The following NIPBL variants were observed in gnomAD, a reference collection of about 807,000 sequenced individuals.
NIPBL encodes NIPBL cohesin loading factor, also known as nipped-B-like protein.
Under a neutral mutation model 321.8 loss-of-function variants are expected in NIPBL, and 19 were observed. That is an observed-to-expected ratio of 0.06 (90% CI 0.04 to 0.09). NIPBL has a LOEUF of 0.09. Among genes scored for constraint, NIPBL ranks in the 10% least tolerant of loss-of-function variants. The pLI is 1.00. For synonymous variants in NIPBL, 1,106 were observed against 1,114.1 expected (o/e 0.99, Z 0.14); for missense variants, 2,210 against 3,327.0 (o/e 0.66, Z 8.26).
At chr5:36,941,772 T>G (rs1399412357) in intron 1 of NIPBL, among the ~76,000 whole-genome samples, 5 of 152,236 alleles carry the variant, frequency 3.3e-5, no homozygotes, top group Admixed American at 6.5e-5. Context: ...CACTTAAAAT[T>G]TAAAAAATTA....
chr5:37,063,453 G>A (rs1755018382), intron 45 of NIPBL, among the ~76,000 whole-genome samples: 1 of 152,144 alleles, frequency 6.6e-6, no homozygotes, highest in South Asian at 2.1e-4. Flanking sequence ...TTGGACCAAG[G>A]GTCTGAAAAC....
intron 1 of NIPBL, among the ~76,000 whole-genome samples, 172 bp downstream of exon 1, chr5:36,877,350 GT>G (rs1030946737): frequency 5.8e-4 from 88 of 152,266 alleles, no homozygotes; most frequent in Admixed American, 3.7e-3. Flanking sequence ...GGTAGCGGTG[GT>G]TTTGTACCCT....
rs772330143 is a variant in NIPBL, at chr5:36,985,312, C to G, written c.2132C>G (p.Pro711Arg). Residue 711 changes from proline to arginine, a missense_variant, in exon 10 of 47, where the codon CCT (proline) becomes CGT (arginine). By Grantham distance (103) the Pro-to-Arg change is moderately radical (BLOSUM62 -2). Coordinates refer to ENST00000282516, the MANE Select transcript of NIPBL (RefSeq NM_133433.4). ...CCAAAGCAAAAGGGTGAAAGCCGGCCTGAGACTCCAAAACAAAAGAGTGAT... is the reference window on the plus strand; with the variant it reads ...CCAAAGCAAAAGGGTGAAAGCCGGCGTGAGACTCCAAAACAAAAGAGTGAT... ...ETPKQKGESRPETPKQKSDGH... is the reference protein window; with the variant it reads ...ETPKQKGESRRETPKQKSDGH... 6.2e-7 allele frequency: 1 copy of G among 1,613,680 alleles called. No homozygotes were observed. Among genetic ancestry groups the G allele is most frequent in the Admixed American group, 1.7e-5 (1 of 59,856 alleles).
At chr5:36,974,069 T>C (rs950313189) in intron 8 of NIPBL, among the ~76,000 whole-genome samples, 1 of 152,228 alleles carries the variant, frequency 6.6e-6, no homozygotes, top group Non-Finnish European at 1.5e-5. Flanking sequence ...AGTAACTATT[T>C]GTAGGTTAGA....
intron 31 of NIPBL, among the ~76,000 whole-genome samples, chr5:37,026,898 A>G (rs1388195852): frequency 6.6e-6 from 1 of 151,598 alleles, no homozygotes; most frequent in African/African-American, 2.4e-5. Flanking sequence ...GCAATATAAT[A>G]GCAAGATCCC....
chr5:36,894,498 A>G (rs1468758592), intron 1 of NIPBL, among the ~76,000 whole-genome samples: 1 of 152,212 alleles, frequency 6.6e-6, no homozygotes, highest in Non-Finnish European at 1.5e-5. Context: ...ATTCGTATAT[A>G]CAAATATATC....
chr5:37,001,029 A>C lies in NIPBL; in HGVS notation c.3615A>C (p.Ser1205=). The part of the protein sequence containing the change: ...DSSTFKRFTA[S]IENILDNLED... ...CAACTTTTAAGAGATTCACAGCCTC[A>C]ATAGAGAATATTTTGGATAATTTGG... The change falls in exon 14 of 47, where the codon TCA becomes TCC. Residue 1205 remains serine, a synonymous_variant. Coordinates refer to ENST00000282516, the MANE Select transcript of NIPBL (RefSeq NM_133433.4). The C allele has an allele frequency of 1.2e-6, 2 of 1,611,990 alleles. No homozygotes were observed. The highest frequency in any genetic ancestry group is 1.7e-6 in the Non-Finnish European group (2 of 1,178,798).
At chr5:37,021,799 A>G (rs1268688959) in intron 27 of NIPBL, among the ~76,000 whole-genome samples, 1 of 152,252 alleles carries the variant, frequency 6.6e-6, no homozygotes, top group Non-Finnish European at 1.5e-5. Context: ...AGGTTCTGCA[A>G]ATGAAGCAAA....
At chr5:37,010,319 T>C in intron 21 of NIPBL, 94 bp downstream of exon 21, 1 of 1,141,514 alleles carries the variant, frequency 8.8e-7, no homozygotes, top group Middle Eastern at 2.9e-4. Context: ...TTCTTTTTTT[T>C]TCTTTCTTTT....
chr5:37,041,713 C>A (rs1752399583), intron 34 of NIPBL, among the ~76,000 whole-genome samples: 1 of 151,982 alleles, frequency 6.6e-6, no homozygotes, highest in South Asian at 2.1e-4. Flanking sequence ...TACAGGTGTG[C>A]ACCACCACAC....
intron 10 of NIPBL, 73 bp downstream of exon 10, chr5:36,986,374 G>A: frequency 2.7e-5 from 28 of 1,054,762 alleles, no homozygotes; most frequent in South Asian, 1.9e-4. Flanking sequence ...GTTTTAAAAA[G>A]GAAATTTACA....
At chr5:36,885,195 C>A in intron 1 of NIPBL, 2 of 531,718 alleles carry the variant, frequency 3.8e-6, no homozygotes, top group South Asian at 2.8e-5. Context: ...TCGCTCTCCT[C>A]CCTGGACAGC....
At chr5:36,913,883 CTAT>C (rs1030002596) in intron 1 of NIPBL, among the ~76,000 whole-genome samples, 2 of 152,100 alleles carry the variant, frequency 1.3e-5, no homozygotes, top group African/African-American at 4.8e-5. Flanking sequence ...TTTTCATAAT[CTAT>C]TATTATTAAA....
intron 6 of NIPBL, among the ~76,000 whole-genome samples, chr5:36,962,488 A>G (rs1477900401): frequency 6.6e-6 from 1 of 152,214 alleles, no homozygotes; most frequent in Middle Eastern, 3.2e-3. Flanking sequence ...GAGCAGTGTC[A>G]TTTTGGCTTT....
At chr5:36,949,174 G>A (rs1409281611) in intron 1 of NIPBL, among the ~76,000 whole-genome samples, 2 of 151,876 alleles carry the variant, frequency 1.3e-5, no homozygotes, top group Non-Finnish European at 3.0e-5. Context: ...AAACTGAGGT[G>A]CAGAGATTAA....
At chr5:36,905,292 T>C (rs1747547412) in intron 1 of NIPBL, among the ~76,000 whole-genome samples, 1 of 152,224 alleles carries the variant, frequency 6.6e-6, no homozygotes, top group African/African-American at 2.4e-5. Flanking sequence ...TTCCTATGTA[T>C]TTCTCATTTC....
chr5:36,910,691 T>C (rs1471639428), intron 1 of NIPBL, among the ~76,000 whole-genome samples: 2 of 152,188 alleles, frequency 1.3e-5, no homozygotes, highest in Admixed American at 1.3e-4. Flanking sequence ...CTTACCTTTT[T>C]TTAGTGGTGG....
intron 42 of NIPBL, among the ~76,000 whole-genome samples, chr5:37,053,894 C>T (rs1753822338): frequency 6.6e-6 from 1 of 152,200 alleles, no homozygotes; most frequent in East Asian, 1.9e-4. Flanking sequence ...ATGTGTATAG[C>T]AACTTTTAAA....
intron 6 of NIPBL, among the ~76,000 whole-genome samples, chr5:36,968,103 AAAAAAAAAC>A (rs1316526161): frequency 8.0e-5 from 12 of 149,472 alleles, no homozygotes; most frequent in East Asian, 3.9e-4. Flanking sequence ...CTCAAAAAAA[AAAAAAAAAC>A]AAAAAACAAA....
Sources: gnomAD v4.1 joint callset for allele counts (sites outside exome capture counted in the v4.1 genomes callset) on GRCh38, gnomAD v4.1.1 for gene constraint, MANE v1.5 for transcripts, NCBI Gene and HGNC (gene_info 2026-07-23, HGNC 2026-07-21) for gene names.